Variants in GALNT13 observed in about 807,000 individuals in gnomAD.
The protein encoded by GALNT13 is polypeptide N-acetylgalactosaminyltransferase 13.
GALNT13 carries 28 observed loss-of-function variants against 64.2 expected under a neutral mutation model. The ratio of observed to expected loss-of-function variants is 0.44; its 90% CI spans 0.32 to 0.60. The LOEUF is 0.60. Ranked by LOEUF, GALNT13 falls within the 20% of genes least tolerant of loss-of-function variation. The probability of loss-of-function intolerance (pLI) is 0.05; values close to 1 mark genes in which losing one functional copy is unlikely to be tolerated. For synonymous variants in GALNT13, 214 were observed against 224.6 expected, an observed-to-expected ratio of 0.95 and a Z score of 0.42; for missense variants, 577 against 669.8, an observed-to-expected ratio of 0.86 and a Z score of 1.53.
At chr2:154,293,138 A>C (rs148760008) in intron 8 of GALNT13, among the ~76,000 whole-genome samples, 113 of 152,314 alleles carry the variant, frequency 7.4e-4, no homozygotes, top group African/African-American at 2.3e-3. Context: ...TAAAATATTA[A>C]TCTGTTGAAA....
At chr2:154,356,474 A>G (rs1479227898) in intron 9 of GALNT13, among the ~76,000 whole-genome samples, 1 of 151,924 alleles carries the variant, frequency 6.6e-6, no homozygotes, top group Non-Finnish European at 1.5e-5. Context: ...AATTATTTTG[A>G]AAAAAATTGT....
chr2:153,864,696 G>T, the GALNT13 span, among the ~76,000 whole-genome samples: 1 of 151,500 alleles, frequency 6.6e-6, no homozygotes, highest in African/African-American at 2.4e-5. Context: ...CATGCTCATG[G>T]GTAGGAAGAA....
intron 3 of GALNT13, among the ~76,000 whole-genome samples, chr2:154,024,484 C>T (rs1445499726): frequency 1.3e-5 from 2 of 152,116 alleles, no homozygotes; most frequent in Non-Finnish European, 2.9e-5. Context: ...TTCATTGCAT[C>T]GGCTCCTGAG....
chr2:154,187,283 A>T (rs1686304106), intron 4 of GALNT13, among the ~76,000 whole-genome samples: 1 of 151,880 alleles, frequency 6.6e-6, no homozygotes, highest in African/African-American at 2.4e-5. Context: ...TGTGTCTAGT[A>T]TAATTTTAGT....
chr2:153,086,378 A>C, the GALNT13 span, among the ~76,000 whole-genome samples: 2 of 152,166 alleles, frequency 1.3e-5, no homozygotes, highest in Admixed American at 6.5e-5. Context: ...TCCCCACCCA[A>C]ATCTCACGTT....
At chr2:153,465,996 C>T in the GALNT13 span, among the ~76,000 whole-genome samples, 1,175 of 152,064 alleles carry the variant, frequency 7.7e-3, 13 homozygotes, top group African/African-American at 0.025. Flanking sequence ...TAGCCACCTG[C>T]CCGGTGCCCG....
chr2:154,455,993 A>G (rs940223649), downstream of GALNT13, among the ~76,000 whole-genome samples: 4 of 152,194 alleles, frequency 2.6e-5, no homozygotes, highest in East Asian at 3.8e-4. Flanking sequence ...GATTAAGGCT[A>G]TATCTATAAT....
intron 3 of GALNT13, among the ~76,000 whole-genome samples, chr2:154,024,156 T>C (rs1697757358): frequency 6.6e-6 from 1 of 152,050 alleles, no homozygotes; most frequent in South Asian, 2.1e-4. Context: ...CTTTGGTGAA[T>C]CTGACAGTTA....
At chr2:153,316,749 A>G in the GALNT13 span, among the ~76,000 whole-genome samples, 9 of 152,150 alleles carry the variant, frequency 5.9e-5, no homozygotes, top group Admixed American at 5.2e-4. Context: ...AGGAGAATGA[A>G]TAAACATGAG....
the GALNT13 span, among the ~76,000 whole-genome samples, chr2:153,150,035 T>C: frequency 2.6e-5 from 4 of 151,824 alleles, no homozygotes; most frequent in African/African-American, 9.7e-5. Context: ...ATCTCCTCTG[T>C]CTCTGTGTCA....
the GALNT13 span, among the ~76,000 whole-genome samples, chr2:153,777,466 T>C: frequency 6.6e-6 from 1 of 152,300 alleles, no homozygotes; most frequent in Non-Finnish European, 1.5e-5. Flanking sequence ...GGTGGGGCTG[T>C]TGGTTGGTGA....
intron 3 of GALNT13, among the ~76,000 whole-genome samples, chr2:154,016,915 G>C (rs545651934): frequency 5.3e-4 from 81 of 152,240 alleles, no homozygotes; most frequent in African/African-American, 1.9e-3. Context: ...GTTGCTATGG[G>C]CTTAAGAAAT....
chr2:153,641,996 T>C, the GALNT13 span, among the ~76,000 whole-genome samples: 130,942 of 151,878 alleles, frequency 0.86, 56,627 homozygotes, highest in East Asian at 0.92. Flanking sequence ...AATCATATGT[T>C]AAATTATCAA....
At chr2:153,307,038 T>G in the GALNT13 span, among the ~76,000 whole-genome samples, 1 of 152,238 alleles carries the variant, frequency 6.6e-6, no homozygotes, top group Non-Finnish European at 1.5e-5. Context: ...ACCCAGCTCA[T>G]GCTTTTTTCG....
intron 3 of GALNT13, among the ~76,000 whole-genome samples, chr2:153,988,836 A>AT (rs1225116602): frequency 7.9e-5 from 12 of 151,894 alleles, no homozygotes; most frequent in African/African-American, 1.2e-4. Context: ...CTAAAGTATG[A>AT]TTTTTTTGCA....
chr2:154,345,401 T>C (rs1696015632), intron 9 of GALNT13, among the ~76,000 whole-genome samples: 1 of 152,036 alleles, frequency 6.6e-6, no homozygotes, highest in Admixed American at 6.6e-5. Context: ...TCTAGGAAAG[T>C]TGTTGCTCAA....
chr2:154,406,116 C>T (rs1699528497), intron 10 of GALNT13, among the ~76,000 whole-genome samples: 1 of 152,078 alleles, frequency 6.6e-6, no homozygotes, highest in East Asian at 1.9e-4. Flanking sequence ...ATAGAAATAG[C>T]ATTTGCCCAC....
chr2:154,092,242 G>A (rs561898561), intron 3 of GALNT13, among the ~76,000 whole-genome samples: 1 of 152,012 alleles, frequency 6.6e-6, no homozygotes, highest in Non-Finnish European at 1.5e-5. Flanking sequence ...TCGTTTGATA[G>A]ATCTCATGTA....
At chr2:153,562,520 T>C in the GALNT13 span, among the ~76,000 whole-genome samples, 3 of 152,158 alleles carry the variant, frequency 2.0e-5, no homozygotes, top group African/African-American at 4.8e-5. Context: ...TATTTGGTTA[T>C]GTCATCTCCA....
Sources: gnomAD v4.1 joint callset for allele counts (sites outside exome capture counted in the v4.1 genomes callset) on GRCh38, gnomAD v4.1.1 for gene constraint, MANE v1.5 for transcripts, NCBI Gene and HGNC (gene_info 2026-07-23, HGNC 2026-07-21) for gene names.